Variants in PLCB1 observed in about 807,000 individuals in gnomAD.
PLCB1 encodes the protein 1-phosphatidylinositol 4,5-bisphosphate phosphodiesterase beta-1.
In PLCB1, 46 loss-of-function variants were observed where a neutral mutation model predicts 161.8. The observed-to-expected ratio is 0.28, with a 90% CI of 0.22 to 0.36. PLCB1 has a LOEUF of 0.36. PLCB1 is among the 10% of genes least tolerant of loss of function. PLCB1 has a pLI of 1.00. For synonymous variants in PLCB1, 517 were observed against 503.7 expected (o/e 1.03, Z -0.35); for missense variants, 1,016 against 1,472.5 (o/e 0.69, Z 5.07).
At chr20:8,218,122 T>C (rs943193289) in intron 2 of PLCB1, among the ~76,000 whole-genome samples, 1 of 152,188 alleles carries the variant, frequency 6.6e-6, no homozygotes, top group African/African-American at 2.4e-5. Context: ...ATAATATTCA[T>C]GCTCTTCATT....
chr20:8,629,926 CTT>C (rs1432049648), intron 4 of PLCB1, among the ~76,000 whole-genome samples: 1 of 143,006 alleles, frequency 7.0e-6, no homozygotes, highest in African/African-American at 2.6e-5. Flanking sequence ...TCTTTCCTCT[CTT>C]CTTTCCTTTC....
At chr20:8,432,422 C>T (rs895460563) in intron 3 of PLCB1, among the ~76,000 whole-genome samples, 1 of 152,212 alleles carries the variant, frequency 6.6e-6, no homozygotes, top group African/African-American at 2.4e-5. Context: ...GGACATAAAT[C>T]CAATCCTATC....
chr20:8,513,739 G>GT (rs1297580085), intron 3 of PLCB1, among the ~76,000 whole-genome samples: 3 of 152,192 alleles, frequency 2.0e-5, no homozygotes, highest in Non-Finnish European at 4.4e-5. Context: ...GTCAGGTGCA[G>GT]TGGCTCATGC....
chr20:8,149,198 G>A (rs1359013550), intron 1 of PLCB1, among the ~76,000 whole-genome samples: 1 of 152,100 alleles, frequency 6.6e-6, no homozygotes, highest in Non-Finnish European at 1.5e-5. Flanking sequence ...AACATGCCCA[G>A]ATGCTTTACC....
intron 3 of PLCB1, among the ~76,000 whole-genome samples, chr20:8,381,107 G>A (rs934221992): frequency 1.3e-5 from 2 of 152,090 alleles, no homozygotes; most frequent in African/African-American, 4.8e-5. Flanking sequence ...ATTATTTTGA[G>A]ATATGCTCTA....
At chr20:8,308,618 CAAAAAAAAAAAAAA>C in intron 2 of PLCB1, among the ~76,000 whole-genome samples, 1 of 73,602 alleles carries the variant, frequency 1.4e-5, no homozygotes, top group East Asian at 4.1e-4. Context: ...TTCCGTATAT[CAAAAAAAAAAAAAA>C]AAAAAAAAAG....
chr20:8,856,315 T>G, intron 31 of PLCB1, among the ~76,000 whole-genome samples: 1 of 152,286 alleles, frequency 6.6e-6, no homozygotes, highest in South Asian at 2.1e-4. Flanking sequence ...ACTGAACCTA[T>G]ACTGTATAAA....
At chr20:8,716,680 T>C (rs1321017918) in intron 13 of PLCB1, among the ~76,000 whole-genome samples, 1 of 152,174 alleles carries the variant, frequency 6.6e-6, no homozygotes, top group East Asian at 1.9e-4. Flanking sequence ...GTCACACCTC[T>C]TTGAGATGAA....
chr20:8,369,809 A>G (rs927733020), intron 2 of PLCB1, among the ~76,000 whole-genome samples: 14 of 152,208 alleles, frequency 9.2e-5, no homozygotes, highest in Admixed American at 1.3e-4. Context: ...TCCACCCTTC[A>G]TCTCACAGAG....
At chr20:8,466,767 A>G (rs527690117) in intron 3 of PLCB1, among the ~76,000 whole-genome samples, 2 of 152,086 alleles carry the variant, frequency 1.3e-5, no homozygotes, top group South Asian at 4.2e-4. Flanking sequence ...AACAGTCACA[A>G]TTTTCCCCAA....
At chr20:8,490,671 A>C (rs1982906746) in intron 3 of PLCB1, among the ~76,000 whole-genome samples, 1 of 152,132 alleles carries the variant, frequency 6.6e-6, no homozygotes, top group South Asian at 2.1e-4. Flanking sequence ...ATTCTAATAC[A>C]TGGGTAGTGA....
At chr20:8,435,939 T>C (rs1046040434) in intron 3 of PLCB1, among the ~76,000 whole-genome samples, 2 of 152,196 alleles carry the variant, frequency 1.3e-5, no homozygotes, top group Non-Finnish European at 2.9e-5. Flanking sequence ...TAAGGATAGA[T>C]TGTAATGATG....
At chr20:8,224,175 C>A (rs953008791) in intron 2 of PLCB1, among the ~76,000 whole-genome samples, 2 of 152,110 alleles carry the variant, frequency 1.3e-5, no homozygotes, top group East Asian at 3.9e-4. Context: ...GGCTTCTGAG[C>A]CAGGTAGATG....
intron 3 of PLCB1, among the ~76,000 whole-genome samples, chr20:8,613,869 AT>A (rs1023871532): frequency 3.9e-5 from 6 of 152,084 alleles, no homozygotes; most frequent in Admixed American, 3.9e-4. Context: ...AGAACCAAAT[AT>A]AAAAAAATTA....
rs576706917 is a variant in PLCB1 at position 8,608,256 on chromosome 20, A to T, written c.247-20038A>T. On this transcript the variant is annotated intron_variant, in intron 3 of 31. Transcript: ENST00000338037. ...AAAATTTAAATAATATGTGTAACTTAAAAGCTTCCATTTTTACATAGTCTA... is the reference window on the plus strand; with the variant it reads ...AAAATTTAAATAATATGTGTAACTTTAAAGCTTCCATTTTTACATAGTCTA... Among the ~76,000 whole-genome samples, 29 of 152,328 alleles carry T rather than the reference A, an allele frequency of 1.9e-4. No individual in the cohort carries two copies. The South Asian group carries it at 5.4e-3, about 28-fold the overall frequency.
At chr20:8,411,290 G>A (rs527496984) in intron 3 of PLCB1, among the ~76,000 whole-genome samples, 2 of 152,276 alleles carry the variant, frequency 1.3e-5, no homozygotes, top group African/African-American at 4.8e-5. Flanking sequence ...TTAATAGGTT[G>A]AAATGATAAT....
At chr20:8,648,694 C>T (rs887956473) in intron 6 of PLCB1, among the ~76,000 whole-genome samples, 1 of 152,144 alleles carries the variant, frequency 6.6e-6, no homozygotes, top group Non-Finnish European at 1.5e-5. Flanking sequence ...AATCCCAGCA[C>T]TTTGAAAGGC....
intron 2 of PLCB1, among the ~76,000 whole-genome samples, chr20:8,182,131 G>C (rs75880878): frequency 0.044 from 6,739 of 152,276 alleles, 194 homozygotes; most frequent in Middle Eastern, 0.13. Context: ...CTGAGACACA[G>C]ATCAAAAGTT....
intron 3 of PLCB1, among the ~76,000 whole-genome samples, chr20:8,569,612 C>T (rs1986442393): frequency 6.6e-6 from 1 of 151,892 alleles, no homozygotes; most frequent in Admixed American, 6.6e-5. Context: ...TATGTGTCCA[C>T]AAAAATAGGG....
Sources: gnomAD v4.1 joint callset for allele counts (sites outside exome capture counted in the v4.1 genomes callset) on GRCh38, gnomAD v4.1.1 for gene constraint, MANE v1.5 for transcripts, NCBI Gene and HGNC (gene_info 2026-07-23, HGNC 2026-07-21) for gene names.